The following CACNA2D3 variants were observed in gnomAD, a reference collection of about 807,000 sequenced individuals.
The protein encoded by CACNA2D3 is voltage-dependent calcium channel subunit alpha-2/delta-3.
Under a neutral mutation model 160.6 loss-of-function variants are expected in CACNA2D3, and 60 were observed. The observed-to-expected ratio is 0.37, with a 90% CI of 0.30 to 0.46. The LOEUF is 0.46. Ranked by LOEUF, CACNA2D3 falls within the 20% of genes least tolerant of loss-of-function variation. CACNA2D3 has a pLI of 1.00. For synonymous variants in CACNA2D3, 558 were observed against 492.9 expected (o/e 1.13, Z -1.75); for missense variants, 1,205 against 1,365.0 (o/e 0.88, Z 1.85).
At chr3:54,139,317 C>G (rs1046071390) in intron 2 of CACNA2D3, among the ~76,000 whole-genome samples, 1 of 152,236 alleles carries the variant, frequency 6.6e-6, no homozygotes, top group Non-Finnish European at 1.5e-5. Context: ...GAGGCATGCA[C>G]GGGCTGCTGT....
intron 10 of CACNA2D3, chr3:54,637,860 C>T (rs1699412943): frequency 6.6e-6 from 1 of 151,978 alleles, no homozygotes; most frequent in Non-Finnish European, 1.5e-5. Context: ...CAGTGGGGTC[C>T]CACACAGATG....
rs142684025 is a variant in CACNA2D3 at position 54,275,439 on chromosome 3, A to G, written c.205-45003A>G. ...AGGCATAGAATTATAAGGAAACTCA[A>G]TTATAATGAAATACAGCTATCAAAA... On this transcript the variant is annotated intron_variant, in intron 2 of 37. Coordinates refer to ENST00000474759, the MANE Select transcript of CACNA2D3 (RefSeq NM_018398.3). 5.8e-4 allele frequency among the ~76,000 whole-genome samples: 88 copies of G among 150,778 alleles called. 1 individual carries two copies. In the East Asian group the frequency reaches 0.016, roughly 27 times the overall value.
In CACNA2D3 at chr3:54,736,057, G is replaced by GTATATATATATACATACATATATA. The variant is rs1212687939; in HGVS notation, c.1168-16539_1168-16538insATATATATACATACATATATATAT. 9.3e-4 allele frequency among the ~76,000 whole-genome samples: 40 copies of GTATATATATATACATACATATATA among 42,830 alleles called. 3 individuals carry two copies. The highest frequency in any genetic ancestry group is 1.7e-3 in the Admixed American group (6 of 3,488). The allele number at this position is 42,830 out of a possible 152,430, so 28.1% of individuals were successfully genotyped here. A position where few individuals can be genotyped will look rare whatever the true frequency, so the allele number is the denominator to read the frequency against. ...TATGTATATATATACACATACATAT[G>GTATATATATATACATACATATATA]TATGTATATATATATACATATATAT... On this transcript the variant is annotated intron_variant, in intron 11 of 37. Transcript: ENST00000474759.
Position 54,122,855 on chromosome 3 carries a change from C to T in CACNA2D3, c.122+20C>T, listed in dbSNP as rs1386345173. 3 of 1,224,276 alleles carry T rather than the reference C, an allele frequency of 2.5e-6. No individual in the cohort carries two copies. Among genetic ancestry groups the T allele is most frequent in the African/African-American group, 3.1e-5 (2 of 63,736 alleles). The allele number at this position is 1,224,276 out of a possible 1,614,324, so 75.8% of individuals were successfully genotyped here. ...CTCCGTGTAAGTGCCGGCTCCTGCG[C>T]CGCCCGGGGAGGGGACCTTGCCGCC... On this transcript the variant is annotated intron_variant, in intron 1 of 37. Coordinates refer to ENST00000474759, the MANE Select transcript of CACNA2D3 (RefSeq NM_018398.3).
chr3:54,705,354 G>A (rs538104849), intron 11 of CACNA2D3, among the ~76,000 whole-genome samples: 149 of 152,112 alleles, frequency 9.8e-4, no homozygotes, highest in Admixed American at 2.3e-3. Context: ...AGAATTATAA[G>A]GTAACTTATC....
At position 54,686,807 on chromosome 3, in the gene CACNA2D3, T is replaced by G. The variant is rs186555130; in HGVS notation, c.1167+44566T>G. Among the ~76,000 whole-genome samples the G allele has an allele frequency of 3.3e-5, 5 of 152,224 alleles. No homozygotes were observed. The East Asian group carries it at 9.7e-4, about 29-fold the overall frequency. The stretch of plus-strand genomic sequence containing the variant: ...AAAAAAACAAGTATTATGGAAAAAT[T>G]AATGTGGAATAGGAAATGAGGGTTG... On this transcript the variant is annotated intron_variant, in intron 11 of 37. Coordinates refer to ENST00000474759, the MANE Select transcript of CACNA2D3 (RefSeq NM_018398.3).
At chr3:54,647,347 T>C (rs988190503) in intron 11 of CACNA2D3, among the ~76,000 whole-genome samples, 3 of 152,248 alleles carry the variant, frequency 2.0e-5, no homozygotes, top group Non-Finnish European at 4.4e-5. Flanking sequence ...CTAGCAATGC[T>C]ATAAAGCATC....
intron 11 of CACNA2D3, among the ~76,000 whole-genome samples, chr3:54,747,717 C>T (rs1027364472): frequency 2.6e-5 from 4 of 152,244 alleles, no homozygotes; most frequent in South Asian, 4.2e-4. Flanking sequence ...GCTTCCCTGT[C>T]GCAGGGACCT....
intron 2 of CACNA2D3, among the ~76,000 whole-genome samples, chr3:54,262,034 G>C (rs532701200): frequency 1.3e-5 from 2 of 152,106 alleles, no homozygotes; most frequent in African/African-American, 2.4e-5. Flanking sequence ...AGGGGTTTTG[G>C]GGGAGGGAGC....
At chr3:54,349,733 GC>G (rs1411187196) in intron 3 of CACNA2D3, among the ~76,000 whole-genome samples, 2 of 152,180 alleles carry the variant, frequency 1.3e-5, no homozygotes, top group East Asian at 1.9e-4. Context: ...ATGATAGCAG[GC>G]CCATCTTGGC....
chr3:54,257,666 CT>C (rs1702324441), intron 2 of CACNA2D3, among the ~76,000 whole-genome samples: 1 of 152,032 alleles, frequency 6.6e-6, no homozygotes, highest in Admixed American at 6.5e-5. Flanking sequence ...AGGGAGTTTG[CT>C]GGCCAACATT....
chr3:54,581,584 C>G (rs1239356418), intron 8 of CACNA2D3, among the ~76,000 whole-genome samples: 1 of 152,200 alleles, frequency 6.6e-6, no homozygotes, highest in East Asian at 1.9e-4. Flanking sequence ...AGCACATGCT[C>G]TAGAAGTTTC....
chr3:55,042,429 T>A (rs879868517), intron 35 of CACNA2D3, among the ~76,000 whole-genome samples: 1 of 152,164 alleles, frequency 6.6e-6, no homozygotes, highest in Admixed American at 6.5e-5. Flanking sequence ...TCTGGTGACA[T>A]CCTTTGTCTT....
At chr3:55,072,722 G>A (rs1041502112) in intron 35 of CACNA2D3, among the ~76,000 whole-genome samples, 2 of 152,116 alleles carry the variant, frequency 1.3e-5, no homozygotes, top group Non-Finnish European at 2.9e-5. Context: ...TTTGTTAAAG[G>A]ATTATTTTAT....
At chr3:54,365,893 A>G (rs192973726) in intron 3 of CACNA2D3, among the ~76,000 whole-genome samples, 2 of 152,100 alleles carry the variant, frequency 1.3e-5, no homozygotes, top group Non-Finnish European at 2.9e-5. Flanking sequence ...AATACAGCCT[A>G]TCCTCTCAGA....
intron 31 of CACNA2D3, among the ~76,000 whole-genome samples, chr3:54,990,217 T>G (rs1702708486): frequency 6.6e-6 from 1 of 152,134 alleles, no homozygotes; most frequent in Non-Finnish European, 1.5e-5. Context: ...TATCTGATAG[T>G]CTTATACCCA....
intron 5 of CACNA2D3, among the ~76,000 whole-genome samples, chr3:54,558,334 G>A (rs1048076093): frequency 6.6e-6 from 1 of 152,162 alleles, no homozygotes; most frequent in Non-Finnish European, 1.5e-5. Context: ...CCCATCAATG[G>A]CAGTGTGAGT....
intron 11 of CACNA2D3, among the ~76,000 whole-genome samples, chr3:54,734,264 C>G (rs1353023664): frequency 1.3e-5 from 2 of 152,040 alleles, no homozygotes; most frequent in African/African-American, 4.8e-5. Flanking sequence ...CTTGTCATAC[C>G]CAATTCAGAT....
intron 9 of CACNA2D3, chr3:54,626,341 C>A: frequency 6.4e-7 from 1 of 1,555,412 alleles, no homozygotes. Flanking sequence ...CCAGCAGCGG[C>A]GGCTGAACCG....
Sources: gnomAD v4.1 joint callset for allele counts (sites outside exome capture counted in the v4.1 genomes callset) on GRCh38, gnomAD v4.1.1 for gene constraint, MANE v1.5 for transcripts, NCBI Gene and HGNC (gene_info 2026-07-23, HGNC 2026-07-21) for gene names.